Variants in SUMF1 observed in about 807,000 individuals in gnomAD.
SUMF1 encodes the protein formylglycine-generating enzyme.
Under a neutral mutation model 47.6 loss-of-function variants are expected in SUMF1, and 48 were observed. The ratio of observed to expected loss-of-function variants is 1.01; its 90% CI spans 0.80 to 1.28. The LOEUF is 1.28. Ranked by LOEUF, SUMF1 falls within the 50% of genes most tolerant of loss-of-function variation. The probability of loss-of-function intolerance (pLI) is 0.00; values close to 1 mark genes in which losing one functional copy is unlikely to be tolerated. For synonymous variants in SUMF1, 230 were observed against 192.1 expected (o/e 1.20, Z -1.63); for missense variants, 571 against 485.4 (o/e 1.18, Z -1.66).
intron 7 of SUMF1, among the ~76,000 whole-genome samples, chr3:4,382,940 G>A (rs1428768569): frequency 6.6e-6 from 1 of 152,148 alleles, no homozygotes; most frequent in Non-Finnish European, 1.5e-5. Context: ...GACTAGGGGA[G>A]GGATAGCATT....
At chr3:4,099,918 A>G (rs535477179) in intron 8 of SUMF1, among the ~76,000 whole-genome samples, 216 of 152,102 alleles carry the variant, frequency 1.4e-3, no homozygotes, top group Middle Eastern at 3.4e-3. Flanking sequence ...GTGTATACTG[A>G]AAACTACAAA....
chr3:4,334,150 T>TA (rs1182623108), intron 8 of SUMF1, among the ~76,000 whole-genome samples: 101 of 144,592 alleles, frequency 7.0e-4, no homozygotes, highest in Middle Eastern at 3.6e-3. Flanking sequence ...TTAAGTCAAC[T>TA]AAAAAAAAAA....
chr3:4,366,741 T>G (rs1384625079), intron 8 of SUMF1, among the ~76,000 whole-genome samples: 2 of 152,200 alleles, frequency 1.3e-5, no homozygotes, highest in African/African-American at 4.8e-5. Context: ...CCATCCAGCT[T>G]TGTTCCATTG....
chr3:4,313,230 G>T, intron 8 of SUMF1: 1 of 1,613,874 alleles, frequency 6.2e-7, no homozygotes, highest in Non-Finnish European at 8.5e-7. Context: ...CGAAAGGAAG[G>T]TTTGTCTGTG....
intron 8 of SUMF1, among the ~76,000 whole-genome samples, chr3:4,225,483 C>G (rs1375681970): frequency 6.6e-6 from 1 of 152,092 alleles, no homozygotes; most frequent in Non-Finnish European, 1.5e-5. Flanking sequence ...AAAAGAATAA[C>G]CATGCACCAC....
chr3:4,091,105 A>AAAAC (rs1383197443), intron 8 of SUMF1, among the ~76,000 whole-genome samples: 3 of 151,980 alleles, frequency 2.0e-5, no homozygotes, highest in African/African-American at 7.3e-5. Context: ...ACAAAAAAAA[A>AAAAC]AACAAAAAAC....
intron 8 of SUMF1, among the ~76,000 whole-genome samples, chr3:4,080,503 T>C (rs1017560937): frequency 2.0e-5 from 3 of 152,124 alleles, no homozygotes; most frequent in African/African-American, 7.2e-5. Flanking sequence ...CTGGGAACCC[T>C]GCTTCAAAAT....
At chr3:4,110,636 A>G (rs1326440371) in intron 8 of SUMF1, among the ~76,000 whole-genome samples, 3 of 151,990 alleles carry the variant, frequency 2.0e-5, no homozygotes, top group Non-Finnish European at 4.4e-5. Flanking sequence ...AATGTGGCAC[A>G]TATACACCAT....
At chr3:4,406,021 T>A (rs1206506426) in intron 7 of SUMF1, among the ~76,000 whole-genome samples, 1 of 152,180 alleles carries the variant, frequency 6.6e-6, no homozygotes, top group Non-Finnish European at 1.5e-5. Context: ...TCCCTCTGCT[T>A]CTTTTTTTCT....
chr3:4,215,932 G>C (rs765611393), intron 8 of SUMF1, among the ~76,000 whole-genome samples: 1 of 152,118 alleles, frequency 6.6e-6, no homozygotes, highest in Non-Finnish European at 1.5e-5. Flanking sequence ...TCATGGATAG[G>C]AAGAATCAAT....
intron 8 of SUMF1, among the ~76,000 whole-genome samples, chr3:4,310,776 A>C (rs369754817): frequency 6.7e-6 from 1 of 149,560 alleles, no homozygotes; most frequent in African/African-American, 2.4e-5. Context: ...TATCCATGTC[A>C]AAAAAAAAAC....
chr3:4,406,449 A>ATT (rs1412049444), intron 7 of SUMF1, among the ~76,000 whole-genome samples: 1 of 152,164 alleles, frequency 6.6e-6, no homozygotes, highest in African/African-American at 2.4e-5. Context: ...AGAGGTCAGG[A>ATT]GTTCAAGACC....
intron 8 of SUMF1, among the ~76,000 whole-genome samples, chr3:4,069,176 A>T (rs1420220911): frequency 2.0e-5 from 3 of 152,182 alleles, no homozygotes; most frequent in African/African-American, 7.2e-5. Context: ...TGAGATAACT[A>T]GTCACAGAAG....
chr3:4,442,257 C>CTTTTTTT (rs35480700), intron 3 of SUMF1, among the ~76,000 whole-genome samples: 24 of 140,596 alleles, frequency 1.7e-4, no homozygotes, highest in Non-Finnish European at 2.3e-4. Context: ...ACCATGAACT[C>CTTTTTTT]TTTTTTTTTT....
chr3:4,269,676 CA>C (rs1190802533), intron 8 of SUMF1, among the ~76,000 whole-genome samples: 6 of 152,042 alleles, frequency 3.9e-5, no homozygotes, highest in Non-Finnish European at 8.8e-5. Flanking sequence ...TCACATTTCC[CA>C]AAACCCAACA....
intron 7 of SUMF1, among the ~76,000 whole-genome samples, chr3:4,402,586 C>A (rs975283748): frequency 6.6e-6 from 1 of 152,110 alleles, no homozygotes; most frequent in Non-Finnish European, 1.5e-5. Context: ...TGCCTTGGGC[C>A]CTGTCCCATT....
chr3:4,092,091 T>C (rs894923350), intron 8 of SUMF1, among the ~76,000 whole-genome samples: 4 of 152,070 alleles, frequency 2.6e-5, no homozygotes, highest in African/African-American at 7.3e-5. Context: ...TGATGTATTA[T>C]TGTATAGGCC....
At chr3:4,037,470 G>C (rs1872404) in intron 9 of SUMF1, among the ~76,000 whole-genome samples, 33,682 of 152,130 alleles carry the variant, frequency 0.22, 4,118 homozygotes, top group South Asian at 0.4. Context: ...ATGAAGGAAA[G>C]TTAATGGTAG....
chr3:4,430,855 G>A (rs1702211412), intron 3 of SUMF1, among the ~76,000 whole-genome samples: 1 of 152,116 alleles, frequency 6.6e-6, no homozygotes, highest in Non-Finnish European at 1.5e-5. Flanking sequence ...AGGCAGGGCA[G>A]GAGTGGGAAG....
Sources: allele counts gnomAD v4.1 joint callset (sites outside exome capture counted in the v4.1 genomes callset), GRCh38; gene constraint gnomAD v4.1.1; transcripts MANE v1.5; gene names NCBI Gene and HGNC (gene_info 2026-07-23, HGNC 2026-07-21).